TNFAIP8L3: variants seen among roughly 807,000 people sequenced by gnomAD.
The protein encoded by TNFAIP8L3 is TNF alpha induced protein 8 like 3.
TNFAIP8L3 carries 7 observed loss-of-function variants against 11.8 expected under a neutral mutation model. The ratio of observed to expected loss-of-function variants is 0.59; its 90% CI spans 0.34 to 1.11. The LOEUF is 1.11. Ranked by LOEUF, TNFAIP8L3 falls within the 50% of genes most tolerant of loss-of-function variation. The probability of loss-of-function intolerance (pLI) is 0.03; values close to 1 mark genes in which losing one functional copy is unlikely to be tolerated. For missense variants in TNFAIP8L3, 219 were observed against 258.6 expected, an observed-to-expected ratio of 0.85 and a Z score of 1.05; for synonymous variants, 98 against 103.8, an observed-to-expected ratio of 0.94 and a Z score of 0.34.
At chr15:51,059,954 T>C (rs2065232266) in intron 1 of TNFAIP8L3, among the ~76,000 whole-genome samples, 1 of 152,234 alleles carries the variant, frequency 6.6e-6, no homozygotes, top group Admixed American at 6.5e-5. Context: ...GCAAGCTCTC[T>C]TCCAAAGTCT....
At chr15:51,082,602 T>C (rs550500331) in intron 1 of TNFAIP8L3, among the ~76,000 whole-genome samples, 1 of 152,352 alleles carries the variant, frequency 6.6e-6, no homozygotes, top group East Asian at 1.9e-4. Context: ...TTTTACTTTA[T>C]AAACTTTAAA....
chr15:51,079,701 C>T (rs532024761), intron 1 of TNFAIP8L3, among the ~76,000 whole-genome samples: 2 of 151,770 alleles, frequency 1.3e-5, no homozygotes, highest in East Asian at 3.9e-4. Flanking sequence ...AAAGTCAAAT[C>T]AGACTGAGCA....
chr15:51,060,260 A>G (rs1329772275), intron 1 of TNFAIP8L3, among the ~76,000 whole-genome samples: 1 of 152,224 alleles, frequency 6.6e-6, no homozygotes, highest in East Asian at 1.9e-4. Context: ...CCAAAAGCAA[A>G]TATTTACAAG....
chr15:51,097,346 G>A (rs1467640965), upstream of TNFAIP8L3, among the ~76,000 whole-genome samples: 3 of 152,204 alleles, frequency 2.0e-5, no homozygotes, highest in African/African-American at 7.2e-5. Flanking sequence ...ATGCTCATCA[G>A]TCGTCAGGTC....
intron 1 of TNFAIP8L3, among the ~76,000 whole-genome samples, chr15:51,100,105 T>C (rs977228688): frequency 1.2e-4 from 19 of 152,254 alleles, no homozygotes. Context: ...TCATGAAGTA[T>C]ATAAATCAAG....
intron 1 of TNFAIP8L3, among the ~76,000 whole-genome samples, chr15:51,101,737 G>A (rs1437010682): frequency 2.0e-5 from 3 of 151,790 alleles, no homozygotes; most frequent in Admixed American, 2.0e-4. Context: ...ATGAGGTCAG[G>A]AGATCGAGAC....
Position 51,094,501 on chromosome 15 carries a change from C to A in TNFAIP8L3, c.52+43G>T. 6.9e-7 allele frequency: 1 copy of A among 1,447,550 alleles called. No individual in the cohort carries two copies. Among genetic ancestry groups the A allele is most frequent in the Admixed American group, 2.5e-5 (1 of 40,502 alleles). 89.7% of individuals were successfully genotyped at this position (1,447,550 alleles called of 1,614,324 possible). On this transcript the variant is annotated intron_variant, in intron 1 of 1. Transcript: ENST00000637513. The surrounding 1 kb of genome is among the most constrained non-coding windows in gnomAD (Gnocchi z 4.4). Reference sequence around the variant, plus strand: ...TCATGCCCCAGCCTCCCGTCCTCCCCAGCCCCAGCCCACCCGCCTGGGCCG... The same window carrying A: ...TCATGCCCCAGCCTCCCGTCCTCCCAAGCCCCAGCCCACCCGCCTGGGCCG...
Position 51,084,603 on chromosome 15 carries a change from C to G in TNFAIP8L3, c.52+9941G>C, listed in dbSNP as rs577511049. Among the ~76,000 whole-genome samples, 5 of 152,222 alleles carry G rather than the reference C, an allele frequency of 3.3e-5. No individual in the cohort carries two copies. In the East Asian group the frequency reaches 9.7e-4, roughly 29 times the overall value. On this transcript the variant is annotated intron_variant, in intron 1 of 1. Coordinates refer to ENST00000637513, the MANE Select transcript of TNFAIP8L3 (RefSeq NM_001311175.2). ...CATGTGTGGAGGAGTTTTCACTGTTCTATGATTTCACAGTCTTTTAACTTC... is the reference window on the plus strand; with the variant it reads ...CATGTGTGGAGGAGTTTTCACTGTTGTATGATTTCACAGTCTTTTAACTTC...
intron 1 of TNFAIP8L3, among the ~76,000 whole-genome samples, chr15:51,102,742 A>G (rs1352744236): frequency 6.6e-6 from 1 of 152,114 alleles, no homozygotes; most frequent in African/African-American, 2.4e-5. Flanking sequence ...ATGCTCCTTT[A>G]TAGCCCTTCT....
At chr15:51,091,693 C>CACAA (rs1256932807) in intron 1 of TNFAIP8L3, among the ~76,000 whole-genome samples, 1 of 151,332 alleles carries the variant, frequency 6.6e-6, no homozygotes, top group African/African-American at 2.4e-5. Flanking sequence ...CACACACACA[C>CACAA]ACACACACAC....
chr15:51,103,341 A>G (rs1022040470), intron 1 of TNFAIP8L3, among the ~76,000 whole-genome samples: 1 of 152,216 alleles, frequency 6.6e-6, no homozygotes, highest in Non-Finnish European at 1.5e-5. Context: ...GGGCATCTTA[A>G]CACCTCAAAC....
intron 1 of TNFAIP8L3, among the ~76,000 whole-genome samples, chr15:51,061,051 G>A (rs1295153323): frequency 6.6e-6 from 1 of 152,234 alleles, no homozygotes; most frequent in Non-Finnish European, 1.5e-5. Context: ...CACGAGAATT[G>A]CTTGAACTGG....
At chr15:51,100,777 A>G (rs936183289) in intron 1 of TNFAIP8L3, among the ~76,000 whole-genome samples, 1 of 152,046 alleles carries the variant, frequency 6.6e-6, no homozygotes, top group Non-Finnish European at 1.5e-5. Context: ...AAAAAAACAA[A>G]CAAACAAGGC....
At chr15:51,081,709 G>C (rs2065393595) in intron 1 of TNFAIP8L3, among the ~76,000 whole-genome samples, 1 of 152,194 alleles carries the variant, frequency 6.6e-6, no homozygotes, top group African/African-American at 2.4e-5. Flanking sequence ...GTGGAAACAG[G>C]CCTCCTCATC....
intron 1 of TNFAIP8L3, among the ~76,000 whole-genome samples, chr15:51,080,158 T>C (rs2065381437): frequency 6.6e-6 from 1 of 152,210 alleles, no homozygotes; most frequent in South Asian, 2.1e-4. Context: ...CTTTCAACAT[T>C]TGGTTAAATC....
chr15:51,103,532 A>G (rs1479292005), intron 1 of TNFAIP8L3, among the ~76,000 whole-genome samples: 1 of 152,184 alleles, frequency 6.6e-6, no homozygotes, highest in Non-Finnish European at 1.5e-5. Flanking sequence ...CTAGACATTC[A>G]TGAGTGGTTA....
intron 1 of TNFAIP8L3, among the ~76,000 whole-genome samples, chr15:51,103,955 T>C (rs964723994): frequency 6.6e-6 from 1 of 152,168 alleles, no homozygotes; most frequent in Non-Finnish European, 1.5e-5. Context: ...GGAGAGCCTC[T>C]GAAACCAGGA....
intron 1 of TNFAIP8L3, among the ~76,000 whole-genome samples, chr15:51,087,912 C>CATACCTTTATATATATAT (rs1259584393): frequency 7.6e-5 from 3 of 39,470 alleles, no homozygotes; most frequent in African/African-American, 2.7e-4. Flanking sequence ...ATTTTTCTAG[C>CATACCTTTATATATATAT]ATACCTTTAT....
rs144433342 is a variant in TNFAIP8L3, at chr15:51,078,050, A to C, written c.52+16494T>G. On this transcript the variant is annotated intron_variant, in intron 1 of 1. Transcript: ENST00000637513. ...TCGTGTTCACCGTGGCGTCCCTGACATGTGCTAGGAACTCAATAATATACA... is the reference window on the plus strand; with the variant it reads ...TCGTGTTCACCGTGGCGTCCCTGACCTGTGCTAGGAACTCAATAATATACA... Among the ~76,000 whole-genome samples, 378 of 152,298 alleles carry C rather than the reference A, an allele frequency of 2.5e-3. 1 individual carries two copies. The highest frequency in any genetic ancestry group is 8.8e-3 in the African/African-American group (367 of 41,556).
Sources: allele counts gnomAD v4.1 joint callset (sites outside exome capture counted in the v4.1 genomes callset), GRCh38; gene constraint gnomAD v4.1.1; non-coding constraint Gnocchi (gnomAD v3.1); transcripts MANE v1.5; gene names NCBI Gene and HGNC (gene_info 2026-07-23, HGNC 2026-07-21).